TANC1: variants seen among roughly 807,000 people sequenced by gnomAD.
TANC1 encodes tetratricopeptide repeat, ankyrin repeat and coiled-coil containing 1, also known as protein TANC1.
A neutral mutation model predicts 149.7 loss-of-function variants in TANC1; 77 were observed. The observed-to-expected ratio is 0.51, with a 90% CI of 0.43 to 0.62. TANC1 has a LOEUF of 0.62. TANC1 is among the 20% of genes least tolerant of loss of function. TANC1 has a pLI of 0.00. For missense variants in TANC1, 1,985 were observed against 2,321.8 expected (o/e 0.85, Z 2.98); for synonymous variants, 854 against 925.0 (o/e 0.92, Z 1.39).
intron 19 of TANC1, among the ~76,000 whole-genome samples, chr2:159,215,907 A>AATG (rs71985468): frequency 6.6e-6 from 1 of 151,828 alleles, no homozygotes; most frequent in Non-Finnish European, 1.5e-5. Flanking sequence ...GAAGCTTGCT[A>AATG]ATGATGATGA....
At chr2:159,186,867 T>A (rs2150613586) in intron 15 of TANC1, 35 bp from the exon 16 acceptor site, 1 of 1,613,846 alleles carries the variant, frequency 6.2e-7, no homozygotes, top group East Asian at 2.2e-5. Context: ...GATCTGTCTC[T>A]GATTGTTTCC....
At chr2:159,016,729 C>G (rs1402580466) in intron 2 of TANC1, among the ~76,000 whole-genome samples, 1 of 151,888 alleles carries the variant, frequency 6.6e-6, no homozygotes, top group African/African-American at 2.4e-5. Flanking sequence ...TGCCCCCCAC[C>G]ACGCCTGGCT....
intron 3 of TANC1, among the ~76,000 whole-genome samples, chr2:159,095,988 A>T (rs557671282): frequency 2.0e-5 from 3 of 147,890 alleles, no homozygotes; most frequent in Non-Finnish European, 4.4e-5. Flanking sequence ...CTGGTCTTTG[A>T]TTGTGTGTGT....
intron 3 of TANC1, among the ~76,000 whole-genome samples, chr2:159,068,232 T>C (rs1574444222): frequency 6.6e-6 from 1 of 152,364 alleles, no homozygotes; most frequent in South Asian, 2.1e-4. Context: ...GTCCTCATTA[T>C]ATAAGTAAAT....
chr2:159,152,009 C>G (rs1056382201), intron 7 of TANC1, among the ~76,000 whole-genome samples: 20 of 151,852 alleles, frequency 1.3e-4, no homozygotes, highest in African/African-American at 4.9e-4. Context: ...CTACTCCAAG[C>G]TCCCCAGTCC....
In TANC1 at chr2:159,033,343, A is replaced by C. The variant is rs141781224; in HGVS notation, c.-16+32154A>C. 3.5e-3 allele frequency among the ~76,000 whole-genome samples: 527 copies of C among 152,320 alleles called. 6 individuals carry two copies. Among genetic ancestry groups the C allele is most frequent in the African/African-American group, 0.012 (482 of 41,562 alleles). On this transcript the variant is annotated intron_variant, in intron 2 of 26. Transcript: ENST00000263635. Reference sequence around the variant, plus strand: ...AGAGGTTAGGGACAGATGTAGCAGCACAACTGAGGAACTCATTTCAAAGGA... The same window carrying C: ...AGAGGTTAGGGACAGATGTAGCAGCCCAACTGAGGAACTCATTTCAAAGGA...
intron 4 of TANC1, among the ~76,000 whole-genome samples, chr2:159,123,671 A>C (rs1209556531): frequency 1.3e-5 from 2 of 152,250 alleles, no homozygotes; most frequent in East Asian, 3.8e-4. Context: ...ATAGCAAATG[A>C]GTATAATTTA....
chr2:159,129,806 T>C (rs2049888865), intron 4 of TANC1, among the ~76,000 whole-genome samples: 1 of 152,176 alleles, frequency 6.6e-6, no homozygotes, highest in Non-Finnish European at 1.5e-5. Flanking sequence ...TGGAGGGTAA[T>C]GCCCATTTAT....
intron 2 of TANC1, among the ~76,000 whole-genome samples, chr2:159,028,655 CTG>C (rs1175048111): frequency 3.3e-5 from 5 of 152,216 alleles, no homozygotes; most frequent in Admixed American, 6.5e-5. Flanking sequence ...ATTTCATCCT[CTG>C]TGACTGAAAC....
At chr2:159,158,464 G>C (rs898286921) in intron 7 of TANC1, among the ~76,000 whole-genome samples, 9 of 152,186 alleles carry the variant, frequency 5.9e-5, no homozygotes, top group African/African-American at 2.2e-4. Context: ...TCAGTGAGTT[G>C]AAGTGCAAAA....
In TANC1 at chr2:159,096,347, A is replaced by G. The variant is rs536256403; in HGVS notation, c.62-1290A>G. Among the ~76,000 whole-genome samples, 37 of 129,272 alleles carry G rather than the reference A, an allele frequency of 2.9e-4. No individual in the cohort carries two copies. The South Asian group carries it at 8.1e-3, about 28-fold the overall frequency. The allele number at this position is 129,272 out of a possible 152,430, so 84.8% of individuals were successfully genotyped here. A position where few individuals can be genotyped will look rare whatever the true frequency, so the allele number is the denominator to read the frequency against. ...TTCCAGCCAAGATACTCTTTCTTGT[A>G]TATATTTTTTAACATTGTGATTACA... On this transcript the variant is annotated intron_variant, in intron 3 of 26. Coordinates refer to ENST00000263635, the MANE Select transcript of TANC1 (RefSeq NM_033394.3).
In TANC1 at chr2:159,040,755, A is replaced by G. The variant is rs142893018; in HGVS notation, c.-15-25141A>G. 3.5e-3 allele frequency among the ~76,000 whole-genome samples: 530 copies of G among 152,260 alleles called. 6 individuals are homozygous for G. Among genetic ancestry groups the G allele is most frequent in the African/African-American group, 0.012 (487 of 41,536 alleles). ...TGTTATTACTGACTTTCTGAAGCCTACTTCTGTCAACTAGTCAAAGTCATT... is the reference window on the plus strand; with the variant it reads ...TGTTATTACTGACTTTCTGAAGCCTGCTTCTGTCAACTAGTCAAAGTCATT... On this transcript the variant is annotated intron_variant, in intron 2 of 26. Coordinates refer to ENST00000263635, the MANE Select transcript of TANC1 (RefSeq NM_033394.3).
intron 3 of TANC1, among the ~76,000 whole-genome samples, chr2:159,083,688 C>G (rs148612597): frequency 1.1e-4 from 16 of 152,136 alleles, no homozygotes; most frequent in African/African-American, 3.6e-4. Flanking sequence ...TGTTAGAGGG[C>G]TCTTTTCCCA....
chr2:159,154,886 A>G (rs934075310), intron 7 of TANC1, among the ~76,000 whole-genome samples: 6 of 152,198 alleles, frequency 3.9e-5, no homozygotes, highest in African/African-American at 1.4e-4. Flanking sequence ...TCAGTTACTT[A>G]CTGTGAAAAG....
At chr2:159,091,918 A>G (rs948169222) in intron 3 of TANC1, among the ~76,000 whole-genome samples, 2 of 148,722 alleles carry the variant, frequency 1.3e-5, no homozygotes, top group Non-Finnish European at 3.0e-5. Context: ...TCCAAAAATG[A>G]TACTGGATCT....
intron 4 of TANC1, among the ~76,000 whole-genome samples, chr2:159,122,984 A>G (rs754093807): frequency 2.0e-5 from 3 of 152,184 alleles, no homozygotes; most frequent in Admixed American, 1.3e-4. Context: ...GGTTGAAACT[A>G]TGATCCATAG....
rs114211590 is a variant in TANC1 at position 158,987,423 on chromosome 2, G to T, written c.-125-13657G>T. ...CACCTGTAGTTCCAGCTACTTGGGT[G>T]GCTGGGGGGTAGGAGGATCGCTTGA... is the stretch of plus-strand genomic sequence containing the variant. On this transcript the variant is annotated intron_variant, in intron 1 of 26. Transcript: ENST00000263635. Among the ~76,000 whole-genome samples the T allele has an allele frequency of 5.5e-3, 834 of 152,030 alleles. 4 individuals are homozygous for T. The highest frequency in any genetic ancestry group is 0.019 in the African/African-American group (785 of 41,446).
chr2:159,121,871 G>A (rs1001642353), intron 4 of TANC1, among the ~76,000 whole-genome samples: 2 of 152,166 alleles, frequency 1.3e-5, no homozygotes, highest in African/African-American at 4.8e-5. Flanking sequence ...CTTTACATAA[G>A]CAACATCCAG....
intron 17 of TANC1, 69 bp downstream of exon 17, chr2:159,194,562 T>C (rs1487055632): frequency 2.2e-6 from 3 of 1,337,424 alleles, no homozygotes; most frequent in African/African-American, 1.4e-5. Context: ...AGAATTGTTA[T>C]TTGCTGGGCC....
Sources: allele counts gnomAD v4.1 joint callset (sites outside exome capture counted in the v4.1 genomes callset), GRCh38; gene constraint gnomAD v4.1.1; transcripts MANE v1.5; gene names NCBI Gene and HGNC (gene_info 2026-07-23, HGNC 2026-07-21).